Variants in CDH18 observed in about 807,000 individuals in gnomAD.
CDH18 encodes cadherin 18, also known as cadherin-18.
In CDH18, 31 loss-of-function variants were observed where a neutral mutation model predicts 67.9. The observed-to-expected ratio is 0.46, with a 90% CI of 0.34 to 0.62. The LOEUF (loss-of-function observed/expected upper bound fraction) is 0.62. Among genes scored for constraint, CDH18 ranks in the 20% least tolerant of loss-of-function variants. The probability of loss-of-function intolerance (pLI) is 0.01; values close to 1 mark genes in which losing one functional copy is unlikely to be tolerated. For synonymous variants in CDH18, 362 were observed against 347.2 expected (o/e 1.04, Z -0.48); for missense variants, 890 against 975.5 (o/e 0.91, Z 1.17).
chr5:19,779,741 T>C (rs1440751490), intron 3 of CDH18, among the ~76,000 whole-genome samples: 2 of 152,172 alleles, frequency 1.3e-5, no homozygotes, highest in Non-Finnish European at 2.9e-5. Context: ...ATAGGGCTTC[T>C]TTACAGACAA....
chr5:20,445,945 C>T (rs1749964582), intron 1 of CDH18, among the ~76,000 whole-genome samples: 1 of 151,920 alleles, frequency 6.6e-6, no homozygotes, highest in East Asian at 1.9e-4. Context: ...ACTCAGGGTG[C>T]TTTTATGGGG....
At chr5:20,234,264 A>T (rs1438071954) in intron 2 of CDH18, among the ~76,000 whole-genome samples, 1 of 152,118 alleles carries the variant, frequency 6.6e-6, no homozygotes, top group Non-Finnish European at 1.5e-5. Flanking sequence ...TTTTCTCTTG[A>T]ATATTTCTTC....
chr5:20,338,333 G>T (rs1739960221), intron 1 of CDH18, among the ~76,000 whole-genome samples: 1 of 152,226 alleles, frequency 6.6e-6, no homozygotes, highest in South Asian at 2.1e-4. Context: ...TGCCTGGAAA[G>T]AAAGTATTTG....
intron 6 of CDH18, among the ~76,000 whole-genome samples, chr5:19,593,102 A>G (rs1306716730): frequency 2.0e-5 from 3 of 152,046 alleles, no homozygotes; most frequent in Admixed American, 6.6e-5. Flanking sequence ...TGTCTTAGCT[A>G]TTGTGAATAA....
rs114431991 is a variant in CDH18 at position 20,346,226 on chromosome 5, G to A, written c.-579-90721C>T. On this transcript the variant is annotated intron_variant, in intron 1 of 14. Coordinates refer to the CDH18 transcript ENST00000507958. ...AGACTAACAACATGGAACACTCTAT[G>A]TTATGGAGCAGAGAGTCTTATTAAT... 1.1e-3 allele frequency among the ~76,000 whole-genome samples: 163 copies of A among 152,252 alleles called. 2 individuals carry two copies. The highest frequency in any genetic ancestry group is 3.7e-3 in the African/African-American group (154 of 41,566).
intron 2 of CDH18, among the ~76,000 whole-genome samples, chr5:20,238,451 C>T (rs944569614): frequency 3.1e-4 from 47 of 151,890 alleles, no homozygotes; most frequent in African/African-American, 1.1e-3. Context: ...TATATGTAGG[C>T]AAATATGCAC....
chr5:19,743,685 C>A (rs932861805), intron 4 of CDH18, among the ~76,000 whole-genome samples: 5 of 152,072 alleles, frequency 3.3e-5, no homozygotes, highest in Non-Finnish European at 7.4e-5. Flanking sequence ...CTTTGGGAGA[C>A]CCAGAAGGGC....
intron 2 of CDH18, among the ~76,000 whole-genome samples, chr5:20,191,734 T>A (rs892356332): frequency 6.6e-6 from 1 of 152,112 alleles, no homozygotes; most frequent in Non-Finnish European, 1.5e-5. Context: ...TATATGTACC[T>A]CATTTTCTTT....
At chr5:19,766,211 T>C (rs1055571920) in intron 3 of CDH18, among the ~76,000 whole-genome samples, 1 of 152,162 alleles carries the variant, frequency 6.6e-6, no homozygotes, top group African/African-American at 2.4e-5. Context: ...TCCAAAGTAT[T>C]CACTTACGAG....
At chr5:20,319,590 T>TTG (rs201639223) in intron 1 of CDH18, among the ~76,000 whole-genome samples, 1,619 of 152,306 alleles carry the variant, frequency 0.011, 32 homozygotes, top group African/African-American at 0.036. Flanking sequence ...TTTTAGGGAT[T>TTG]TAGCTTGCAT....
At chr5:19,944,937 C>G (rs1393259051) in intron 2 of CDH18, among the ~76,000 whole-genome samples, 1 of 152,092 alleles carries the variant, frequency 6.6e-6, no homozygotes, top group Admixed American at 6.6e-5. Context: ...ACCAGGGAGG[C>G]CTACAACCTC....
intron 7 of CDH18, 119 bp from the exon 8 acceptor site, chr5:19,571,951 A>G: frequency 1.3e-6 from 1 of 766,258 alleles, no homozygotes; most frequent in East Asian, 2.7e-5. Flanking sequence ...AGAGAGAGAT[A>G]AGTCATTCTA....
At chr5:19,549,777 AAAGG>A (rs1737055415) in intron 8 of CDH18, among the ~76,000 whole-genome samples, 1 of 133,990 alleles carries the variant, frequency 7.5e-6, no homozygotes, top group South Asian at 2.2e-4. Flanking sequence ...AGAAAGAAAG[AAAGG>A]AAGAAAGAAA....
intron 1 of CDH18, among the ~76,000 whole-genome samples, chr5:20,532,387 C>CT (rs1029418451): frequency 6.6e-6 from 1 of 152,070 alleles, no homozygotes; most frequent in African/African-American, 2.4e-5. Context: ...CTGAGAGTCT[C>CT]TTTTTTTCTC....
chr5:19,836,691 T>C (rs1781680106), intron 3 of CDH18, among the ~76,000 whole-genome samples: 1 of 152,166 alleles, frequency 6.6e-6, no homozygotes, highest in East Asian at 1.9e-4. Context: ...CATTTGTCAA[T>C]TTTGGCTTTT....
intron 1 of CDH18, among the ~76,000 whole-genome samples, chr5:20,471,846 A>AAAAAAAAAAAAAAAAAC (rs1752108749): frequency 1.3e-5 from 2 of 150,232 alleles, no homozygotes; most frequent in Non-Finnish European, 3.0e-5. Flanking sequence ...AAAAAAAAAA[A>AAAAAAAAAAAAAAAAAC]AAAAAGCAAA....
chr5:20,178,494 C>T (rs1737415801), intron 2 of CDH18, among the ~76,000 whole-genome samples: 2 of 148,640 alleles, frequency 1.3e-5, no homozygotes, highest in African/African-American at 5.0e-5. Context: ...CTTTTCAGTT[C>T]TAATTAAGAA....
At chr5:19,612,292 T>G (rs1749105300) in intron 6 of CDH18, 142 bp downstream of exon 6, 2 of 715,328 alleles carry the variant, frequency 2.8e-6, no homozygotes. Flanking sequence ...TCATGAGTCT[T>G]ACATGAAGAA....
At chr5:20,402,085 T>G (rs1745816541) in intron 1 of CDH18, among the ~76,000 whole-genome samples, 1 of 152,146 alleles carries the variant, frequency 6.6e-6, no homozygotes, top group African/African-American at 2.4e-5. Flanking sequence ...TTCACAAAAT[T>G]TGTACTTTCT....
Sources: allele counts gnomAD v4.1 joint callset (sites outside exome capture counted in the v4.1 genomes callset), GRCh38; gene constraint gnomAD v4.1.1; transcripts MANE v1.5; gene names NCBI Gene and HGNC (gene_info 2026-07-23, HGNC 2026-07-21).